The following PSG5 variants were observed in gnomAD, a reference collection of about 807,000 sequenced individuals.
The protein encoded by PSG5 is pregnancy specific beta-1-glycoprotein 5, also known as pregnancy-specific beta-1-glycoprotein 5.
PSG5 carries 53 observed loss-of-function variants against 37.7 expected under a neutral mutation model. The observed-to-expected ratio is 1.41, with a 90% CI of 1.13 to 1.77. PSG5 has a LOEUF of 1.77. PSG5 is among the 40% of genes most tolerant of loss of function. The pLI, the probability that PSG5 is intolerant of heterozygous loss-of-function variation, is 0.00. For synonymous variants in PSG5, 221 were observed against 155.4 expected, an observed-to-expected ratio of 1.42 and a Z score of -3.14; for missense variants, 547 against 405.2, an observed-to-expected ratio of 1.35 and a Z score of -3.00.
intron 2 of PSG5, among the ~76,000 whole-genome samples, chr19:43,182,377 G>C (rs897425355): frequency 7.3e-5 from 11 of 149,838 alleles, no homozygotes; most frequent in African/African-American, 2.7e-4. Flanking sequence ...CATGAGATTG[G>C]TCTTTTGAGA....
chr19:43,186,076 A>C (rs912630499), intron 1 of PSG5, among the ~76,000 whole-genome samples: 7 of 150,648 alleles, frequency 4.6e-5, no homozygotes, highest in Admixed American at 2.0e-4. Context: ...TCCCGGGTTC[A>C]TGTGATTTTC....
chr19:43,185,214 G>C (rs1568377280), intron 1 of PSG5, 67 bp from the exon 2 acceptor site: 3 of 1,501,890 alleles, frequency 2.0e-6, no homozygotes, highest in Non-Finnish European at 2.7e-6. Context: ...ATGGAGCCCT[G>C]GGTCCTGAGA....
At chr19:43,176,783 G>A (rs1480916102) in intron 2 of PSG5, among the ~76,000 whole-genome samples, 1 of 150,588 alleles carries the variant, frequency 6.6e-6, no homozygotes, top group Admixed American at 6.7e-5. Flanking sequence ...TTGAACCAGT[G>A]ACCTCTAAAG....
In PSG5 at chr19:43,184,896, A is replaced by C. The variant is rs1237140693; in HGVS notation, c.316T>G (p.Ser106Ala). 3.1e-6 allele frequency: 5 copies of C among 1,612,482 alleles called. No homozygotes were observed. The highest frequency in any genetic ancestry group is 1.6e-4 in the Middle Eastern group (1 of 6,076). ...CGGGTGACATTCTGGATCAGCAGGGATGCATTGGAATATACTGTTTCTCGT... is the reference window on the plus strand; with the variant it reads ...CGGGTGACATTCTGGATCAGCAGGGCTGCATTGGAATATACTGTTTCTCGT... Reference protein sequence around the residue: ...TGRETVYSNASLLIQNVTRED... With the variant: ...TGRETVYSNAALLIQNVTRED... The change falls in exon 2 of 6, where the codon TCC becomes GCC. Residue 106 changes from serine (S) to alanine (A), a missense_variant. Ser to Ala is a moderately conservative substitution (Grantham distance 99). Coordinates refer to ENST00000342951, the MANE Select transcript of PSG5 (RefSeq NM_002781.4).
intron 4 of PSG5, among the ~76,000 whole-genome samples, chr19:43,173,572 T>C (rs1968945785): frequency 6.6e-6 from 1 of 151,572 alleles, no homozygotes; most frequent in Admixed American, 6.6e-5. Context: ...CCAAGGAAGA[T>C]ATACAAATAT....
intron 2 of PSG5, among the ~76,000 whole-genome samples, chr19:43,180,927 C>G (rs1471033663): frequency 6.6e-6 from 1 of 151,526 alleles, no homozygotes; most frequent in Non-Finnish European, 1.5e-5. Context: ...CTCCCTGCTT[C>G]TAATTTCTGT....
Position 43,186,461 on chromosome 19 carries a change from T to G in PSG5, c.-56A>C. 1 of 1,607,610 alleles carries G rather than the reference T, an allele frequency of 6.2e-7. No homozygotes were observed. Among genetic ancestry groups the G allele is most frequent in the Non-Finnish European group, 8.5e-7 (1 of 1,175,870 alleles). Reference sequence around the variant, plus strand: ...GAGCTGAGCCTAGGATCCAGAAACTTCCTGAGCACGGCTGTAGGCTGTGCT... The same window carrying G: ...GAGCTGAGCCTAGGATCCAGAAACTGCCTGAGCACGGCTGTAGGCTGTGCT... On this transcript the variant is annotated 5_prime_UTR_variant, in exon 1 of 6. Transcript: ENST00000342951.
chr19:43,175,945 T>C lies in PSG5; in HGVS notation c.634A>G (p.Thr212Ala). The C allele has an allele frequency of 6.2e-7, 1 of 1,612,422 alleles. No homozygotes were observed. The highest frequency in any genetic ancestry group is 1.3e-5 in the African/African-American group (1 of 74,594). Residue 212 changes from threonine to alanine, a missense_variant, in exon 3 of 6, where the codon ACA (threonine) becomes GCA (alanine). By Grantham distance (58) the Thr-to-Ala change is moderately conservative. Transcript: ENST00000342951. ...LILPSVTRNE[T>A]GPYECEIRDR... is the part of the protein sequence containing the mutation. Reference sequence around the variant, plus strand: ...CGTATTTCACATTCATAGGGTCCTGTTTCATTTCTCGTGACACTGGGTAGA... The same window carrying C: ...CGTATTTCACATTCATAGGGTCCTGCTTCATTTCTCGTGACACTGGGTAGA...
chr19:43,179,265 T>A (rs1176714588), intron 2 of PSG5: 20 of 1,348,848 alleles, frequency 1.5e-5, no homozygotes, highest in Non-Finnish European at 1.9e-5. Context: ...ACCCAAGTCC[T>A]TAAAAGCCCA....
At position 43,175,656 on chromosome 19, in the gene PSG5, C is replaced by A. The variant is rs540978525; in HGVS notation, c.710-187G>T. On this transcript the variant is annotated intron_variant, in intron 3 of 5. Transcript: ENST00000342951. ...TTTCTCCCATCACAAGCTATTGACACAAAGTCTCCCATGACAAGAGCGCCC... is the reference window on the plus strand; with the variant it reads ...TTTCTCCCATCACAAGCTATTGACAAAAAGTCTCCCATGACAAGAGCGCCC... The A allele has an allele frequency of 1.2e-5, 17 of 1,386,390 alleles. No individual in the cohort carries two copies. The South Asian group carries it at 2.4e-4, about 20-fold the overall frequency. 85.9% of individuals were successfully genotyped at this position (1,386,390 alleles called of 1,614,324 possible). A position where few individuals can be genotyped will look rare whatever the true frequency, so the allele number is the denominator to read the frequency against.
In PSG5 at chr19:43,167,926, A is replaced by G; in HGVS notation, c.*318T>C. On this transcript the variant is annotated 3_prime_UTR_variant, in exon 6 of 6. Coordinates refer to ENST00000342951, the MANE Select transcript of PSG5 (RefSeq NM_002781.4). ...TGGAGAATAAAACATTCAAAGAATC[A>G]GCACATTTTCAAATAGAAAATTATG... 2.6e-6 allele frequency: 1 copy of G among 385,056 alleles called. No homozygotes were observed. Among genetic ancestry groups the G allele is most frequent in the East Asian group, 3.8e-5 (1 of 26,290 alleles). The allele number at this position is 385,056 out of a possible 1,614,324, so 23.9% of individuals were successfully genotyped here. A position where few individuals can be genotyped will look rare whatever the true frequency, so the allele number is the denominator to read the frequency against.
intron 2 of PSG5, among the ~76,000 whole-genome samples, chr19:43,182,788 C>T (rs1433099275): frequency 8.4e-5 from 12 of 143,090 alleles, no homozygotes; most frequent in African/African-American, 3.2e-4. Context: ...CTATCCCTGT[C>T]CCATTGTCTT....
chr19:43,181,800 T>C (rs1418152600), intron 2 of PSG5, among the ~76,000 whole-genome samples: 1 of 151,754 alleles, frequency 6.6e-6, no homozygotes, highest in Non-Finnish European at 1.5e-5. Flanking sequence ...TTTGTTCAAC[T>C]TTTTACTTAC....
At position 43,168,329 on chromosome 19, in the gene PSG5, G is replaced by T. The variant is rs576383950; in HGVS notation, c.*41-126C>A. 3.6e-4 allele frequency: 106 copies of T among 295,544 alleles called. 2 individuals are homozygous for T. The highest frequency in any genetic ancestry group is 1.9e-3 in the African/African-American group (89 of 45,736). The allele number at this position is 295,544 out of a possible 1,614,324, so 18.3% of individuals were successfully genotyped here. A position where few individuals can be genotyped will look rare whatever the true frequency, so the allele number is the denominator to read the frequency against. On this transcript the variant is annotated intron_variant, in intron 5 of 5. Transcript: ENST00000342951. ...CATATGACACTATGGTAACATATTT[G>T]ATTTCCAGAAATTTCATATAATTTT...
intron 2 of PSG5, among the ~76,000 whole-genome samples, chr19:43,178,671 C>G (rs1969062260): frequency 6.6e-6 from 1 of 151,690 alleles, no homozygotes; most frequent in Non-Finnish European, 1.5e-5. Flanking sequence ...GAACCTGAGT[C>G]TCCCATGACA....
rs141354766 is a variant in PSG5, at chr19:43,175,915, G to C, written c.664C>G (p.Arg222Gly). 1.2e-6 allele frequency: 2 copies of C among 1,612,430 alleles called. No individual in the cohort carries two copies. The highest frequency in any genetic ancestry group is 2.2e-5 in the East Asian group (1 of 44,864). ...TGPYECEIRD[R>G]DGGMRSDPVT... ...GGGTCACTGCGCATGCCACCATCTC[G>C]GTCCCGTATTTCACATTCATAGGGT... The change falls in exon 3 of 6, where the codon CGA (arginine) becomes GGA (glycine). Residue 222 changes from arginine (R) to glycine (G), a missense_variant. Arg to Gly is a moderately radical substitution (Grantham distance 125). Coordinates refer to ENST00000342951, the MANE Select transcript of PSG5 (RefSeq NM_002781.4).
At chr19:43,179,110 C>T (rs1001043425) in intron 2 of PSG5, 1 of 1,607,414 alleles carries the variant, frequency 6.2e-7, no homozygotes, top group African/African-American at 1.3e-5. Context: ...TCCATGGCCT[C>T]CCTGGGGTTT....
At chr19:43,169,489 G>A (rs944094012) in intron 5 of PSG5, among the ~76,000 whole-genome samples, 2 of 151,624 alleles carry the variant, frequency 1.3e-5, no homozygotes, top group African/African-American at 2.4e-5. Context: ...AAGGGGCAGG[G>A]ATGTGTAGGA....
Position 43,176,639 on chromosome 19 carries a change from T to C in PSG5, c.431-491A>G, listed in dbSNP as rs566056215. On this transcript the variant is annotated intron_variant, in intron 2 of 5. Transcript: ENST00000342951. ...CTGAAACCCTGAAGATACTGAGCAGTCTGGCCTGGGACTGGATGTTTCAGC... is the reference window on the plus strand; with the variant it reads ...CTGAAACCCTGAAGATACTGAGCAGCCTGGCCTGGGACTGGATGTTTCAGC... 1.9e-3 allele frequency among the ~76,000 whole-genome samples: 292 copies of C among 151,258 alleles called. 5 individuals are homozygous for C. Among genetic ancestry groups the C allele is most frequent in the African/African-American group, 6.2e-3 (255 of 41,046 alleles).
Sources: allele counts gnomAD v4.1 joint callset (sites outside exome capture counted in the v4.1 genomes callset), GRCh38; gene constraint gnomAD v4.1.1; transcripts MANE v1.5; gene names NCBI Gene and HGNC (gene_info 2026-07-23, HGNC 2026-07-21).